RAVER2: variants seen among roughly 807,000 people sequenced by gnomAD.
RAVER2 encodes the protein ribonucleoprotein PTB-binding 2.
RAVER2 carries 46 observed loss-of-function variants against 78.1 expected under a neutral mutation model. The observed-to-expected ratio is 0.59, with a 90% CI of 0.46 to 0.75. RAVER2 has a LOEUF of 0.75. RAVER2 is among the 30% of genes least tolerant of loss of function. The probability of loss-of-function intolerance (pLI) is 0.00; values close to 1 mark genes in which losing one functional copy is unlikely to be tolerated. For synonymous variants in RAVER2, 311 were observed against 313.3 expected, an observed-to-expected ratio of 0.99 and a Z score of 0.08; for missense variants, 793 against 837.5, an observed-to-expected ratio of 0.95 and a Z score of 0.66.
At chr1:64,759,313 G>T (rs1346732879) in intron 1 of RAVER2, among the ~76,000 whole-genome samples, 2 of 151,494 alleles carry the variant, frequency 1.3e-5, no homozygotes, top group Non-Finnish European at 2.9e-5. Context: ...TCCGCCTCCC[G>T]GGTTCATGGC....
rs1275543506 is a variant in RAVER2 at position 64,745,917 on chromosome 1, A to G, written c.249+496A>G. On this transcript the variant is annotated intron_variant, in intron 1 of 11. Transcript: ENST00000294428. This position sits in a 1 kb window ranked among gnomAD's most constrained non-coding sequence, Gnocchi z 4.3. ...TGGGAGTGAGTTTCGCTGTTGTTGC[A>G]GAAGCACTTGCCCAAGTTTCTATGA... 1.3e-5 allele frequency among the ~76,000 whole-genome samples: 2 copies of G among 152,170 alleles called. No homozygotes were observed. The highest frequency in any genetic ancestry group is 1.9e-4 in the East Asian group (1 of 5,176).
At chr1:64,755,710 CT>C (rs1457166760) in intron 1 of RAVER2, among the ~76,000 whole-genome samples, 2 of 105,874 alleles carry the variant, frequency 1.9e-5, no homozygotes, top group African/African-American at 8.0e-5. Context: ...ATTTCTCTGA[CT>C]TTATGCTTCA....
chr1:64,825,160 CAT>C (rs1653979973), intron 11 of RAVER2, among the ~76,000 whole-genome samples: 1 of 151,842 alleles, frequency 6.6e-6, no homozygotes, highest in Non-Finnish European at 1.5e-5. Flanking sequence ...GATTTTGAAA[CAT>C]TTTTAACAAT....
At chr1:64,776,921 T>A (rs1249836746) in intron 2 of RAVER2, among the ~76,000 whole-genome samples, 15 of 152,246 alleles carry the variant, frequency 9.9e-5, no homozygotes, top group Non-Finnish European at 1.5e-5. Flanking sequence ...AACAACTTCA[T>A]TAGCTAGACA....
At chr1:64,786,979 T>C (rs1376826022) in intron 4 of RAVER2, among the ~76,000 whole-genome samples, 2 of 152,204 alleles carry the variant, frequency 1.3e-5, no homozygotes, top group Non-Finnish European at 2.9e-5. Context: ...ATCTGATTCA[T>C]GTAAAGTGTT....
intron 5 of RAVER2, among the ~76,000 whole-genome samples, chr1:64,798,017 C>T (rs1444405155): frequency 6.7e-6 from 1 of 149,852 alleles, no homozygotes; most frequent in Non-Finnish European, 1.5e-5. Context: ...TGGTGTGCTG[C>T]AGCCACTAAC....
At chr1:64,793,755 GCTTT>G (rs1461002874) in intron 5 of RAVER2, among the ~76,000 whole-genome samples, 3 of 152,142 alleles carry the variant, frequency 2.0e-5, no homozygotes, top group Admixed American at 1.3e-4. Flanking sequence ...CCACTGATCT[GCTTT>G]CTGTCACTAC....
At chr1:64,807,625 C>A (rs1570573686) in intron 9 of RAVER2, 151 bp downstream of exon 9, 1 of 932,034 alleles carries the variant, frequency 1.1e-6, no homozygotes. Flanking sequence ...ACATTGCATT[C>A]TTTTAAAAAA....
chr1:64,787,030 A>T (rs994864028), intron 4 of RAVER2, among the ~76,000 whole-genome samples: 1 of 152,112 alleles, frequency 6.6e-6, no homozygotes, highest in African/African-American at 2.4e-5. Context: ...GGCTGCTATT[A>T]TTTTTCCTCA....
intron 1 of RAVER2, among the ~76,000 whole-genome samples, chr1:64,753,465 A>T (rs1651757459): frequency 1.3e-5 from 2 of 151,874 alleles, no homozygotes; most frequent in Non-Finnish European, 2.9e-5. Context: ...TGTAATATAT[A>T]CAATGTATTC....
chr1:64,813,214 T>A (rs1653668403), intron 10 of RAVER2, among the ~76,000 whole-genome samples: 1 of 152,216 alleles, frequency 6.6e-6, no homozygotes, highest in Non-Finnish European at 1.5e-5. Flanking sequence ...TTACTATAAA[T>A]CAACTATTCA....
chr1:64,745,438 AG>A lies in RAVER2; in HGVS notation c.249+21del. On this transcript the variant is annotated intron_variant, in intron 1 of 11. Coordinates refer to ENST00000294428, the Ensembl canonical transcript of RAVER2. This position sits in a 1 kb window ranked among gnomAD's most constrained non-coding sequence, Gnocchi z 4.3. The stretch of plus-strand genomic sequence containing the variant: ...AACTGCCAGGTACTGGGACGGTGAT[AG>A]GGGCGACGCGTCCCGAGGGGCGGCG... The A allele has an allele frequency of 6.6e-7, 1 of 1,510,036 alleles. No individual in the cohort carries two copies. Among genetic ancestry groups the A allele is most frequent in the Non-Finnish European group, 8.9e-7 (1 of 1,122,360 alleles). 93.5% of individuals were successfully genotyped at this position (1,510,036 alleles called of 1,614,324 possible).
At chr1:64,785,340 C>G (rs927097811) in intron 4 of RAVER2, among the ~76,000 whole-genome samples, 1 of 151,112 alleles carries the variant, frequency 6.6e-6, no homozygotes, top group African/African-American at 2.4e-5. Flanking sequence ...CTATCTCTAT[C>G]CTGCTGGTGA....
chr1:64,826,874 G>A (rs1194702692), intron 11 of RAVER2, among the ~76,000 whole-genome samples: 1 of 152,142 alleles, frequency 6.6e-6, no homozygotes, highest in Non-Finnish European at 1.5e-5. Flanking sequence ...GGGTATACGA[G>A]GGTAAGAGAG....
At chr1:64,763,163 G>A (rs943349963) in intron 1 of RAVER2, among the ~76,000 whole-genome samples, 2 of 152,104 alleles carry the variant, frequency 1.3e-5, no homozygotes, top group Non-Finnish European at 2.9e-5. Context: ...CGGGTGAGGT[G>A]GCTGGCGCCT....
At chr1:64,773,845 G>A (rs1159009865) in intron 2 of RAVER2, among the ~76,000 whole-genome samples, 1 of 152,144 alleles carries the variant, frequency 6.6e-6, no homozygotes, top group Admixed American at 6.5e-5. Flanking sequence ...AGCATCTGTT[G>A]TTTCCTGACT....
intron 11 of RAVER2, among the ~76,000 whole-genome samples, chr1:64,821,652 A>T (rs577280289): frequency 6.6e-6 from 1 of 152,218 alleles, no homozygotes; most frequent in East Asian, 1.9e-4. Context: ...GACAAAGTTG[A>T]CAAAAGCAAT....
intron 5 of RAVER2, among the ~76,000 whole-genome samples, chr1:64,790,918 T>C (rs569788784): frequency 6.6e-6 from 1 of 152,198 alleles, no homozygotes; most frequent in Non-Finnish European, 1.5e-5. Context: ...CAATCTTCCA[T>C]ATGGCTGCCC....
chr1:64,796,878 G>C (rs1653110285), intron 5 of RAVER2, among the ~76,000 whole-genome samples: 1 of 151,952 alleles, frequency 6.6e-6, no homozygotes, highest in Non-Finnish European at 1.5e-5. Context: ...AATGTGTTTA[G>C]TATTACAAAT....
Sources: gnomAD v4.1 joint callset for allele counts (sites outside exome capture counted in the v4.1 genomes callset) on GRCh38, gnomAD v4.1.1 for gene constraint, Gnocchi (gnomAD v3.1) non-coding constraint, MANE v1.5 for transcripts, NCBI Gene and HGNC (gene_info 2026-07-23, HGNC 2026-07-21) for gene names.